Variants in CTIF observed in about 807,000 individuals in gnomAD.
CTIF encodes CBP80/20-dependent translation initiation factor.
A neutral mutation model predicts 66.0 loss-of-function variants in CTIF; 21 were observed. That is an observed-to-expected ratio of 0.32 (90% CI 0.23 to 0.46). The LOEUF is 0.46. CTIF is among the 20% of genes least tolerant of loss of function. The probability of loss-of-function intolerance (pLI) is 1.00; values close to 1 mark genes in which losing one functional copy is unlikely to be tolerated. For missense variants in CTIF, 739 were observed against 812.7 expected, an observed-to-expected ratio of 0.91 and a Z score of 1.10; for synonymous variants, 345 against 326.4, an observed-to-expected ratio of 1.06 and a Z score of -0.62.
At chr18:48,600,030 T>C (rs2090062220) in intron 1 of CTIF, among the ~76,000 whole-genome samples, 1 of 152,176 alleles carries the variant, frequency 6.6e-6, no homozygotes, top group Non-Finnish European at 1.5e-5. Flanking sequence ...TGCCAACCAA[T>C]GTGTCTAATA....
chr18:48,857,588 C>G lies in CTIF; in HGVS notation c.1528C>G (p.Leu510Val). 1 of 1,609,386 alleles carries G rather than the reference C, an allele frequency of 6.2e-7. No homozygotes were observed. Among genetic ancestry groups the G allele is most frequent in the Non-Finnish European group, 8.5e-7 (1 of 1,177,852 alleles). The change falls in exon 11 of 12, where the codon CTC becomes GTC. Residue 510 changes from leucine (L) to valine (V), a missense_variant and splice_region_variant. Leu to Val is a conservative substitution (Grantham distance 32, BLOSUM62 1). Transcript: ENST00000256413. ...VCPIYTCLRE[L>V]LQSQDVKEDA... is the part of the protein sequence containing the mutation. ...TGCTCTCTGCCCCTCTCTTCCACAG[C>G]TCTTGCAATCTCAGGATGTGAAGGA...
chr18:48,830,064 A>G (rs1403855459), intron 10 of CTIF, among the ~76,000 whole-genome samples: 1 of 152,228 alleles, frequency 6.6e-6, no homozygotes, highest in Non-Finnish European at 1.5e-5. Flanking sequence ...GTAGCCAGGA[A>G]GAGGAGGGGA....
At chr18:48,637,113 TCTG>T (rs1430963884) in intron 3 of CTIF, among the ~76,000 whole-genome samples, 2 of 152,172 alleles carry the variant, frequency 1.3e-5, no homozygotes, top group African/African-American at 2.4e-5. Context: ...GGATATCACT[TCTG>T]CTCCAGATCT....
rs1020761797 is a variant in CTIF, at chr18:48,787,328, CAGAA to C, written c.1371+25643_1371+25646del. On this transcript the variant is annotated intron_variant, in intron 9 of 11. Transcript: ENST00000256413. ...GGGAAAGGGAAGGAAGAAAGAAAGA[CAGAA>C]AGAGAGGGAGGGAAATAGGGAGAAA... 1.2e-4 allele frequency among the ~76,000 whole-genome samples: 18 copies of C among 151,470 alleles called. No individual in the cohort carries two copies. The East Asian group carries it at 1.5e-3, about 13-fold the overall frequency.
At chr18:48,686,734 C>T (rs183984220) in intron 6 of CTIF, among the ~76,000 whole-genome samples, 47 of 152,252 alleles carry the variant, frequency 3.1e-4, no homozygotes, top group Non-Finnish European at 5.7e-4. Context: ...CTGCTGTTTC[C>T]TGCCAACACC....
intron 10 of CTIF, among the ~76,000 whole-genome samples, chr18:48,823,205 G>A (rs1423120521): frequency 6.6e-6 from 1 of 151,438 alleles, no homozygotes; most frequent in African/African-American, 2.4e-5. Flanking sequence ...TGTTGCCTGT[G>A]CTTTTGGAGT....
chr18:48,805,128 G>T (rs1447525579), intron 9 of CTIF, among the ~76,000 whole-genome samples: 3 of 152,240 alleles, frequency 2.0e-5, no homozygotes, highest in Non-Finnish European at 4.4e-5. Context: ...GTAACCTGAT[G>T]TGTCACAGTG....
intron 2 of CTIF, among the ~76,000 whole-genome samples, chr18:48,620,174 G>A (rs2090468637): frequency 6.6e-6 from 1 of 152,208 alleles, no homozygotes; most frequent in South Asian, 2.1e-4. Flanking sequence ...AGTAGTTGTT[G>A]GTAGCCAAAG....
intron 2 of CTIF, chr18:48,621,623 C>G: frequency 5.9e-6 from 2 of 339,804 alleles, no homozygotes; most frequent in Non-Finnish European, 1.1e-5. Context: ...GACTGCCTTG[C>G]GGGCCACTGC....
intron 6 of CTIF, among the ~76,000 whole-genome samples, chr18:48,685,970 C>T (rs895328405): frequency 2.0e-5 from 3 of 152,196 alleles, no homozygotes; most frequent in Non-Finnish European, 4.4e-5. Flanking sequence ...AGCCACTGTG[C>T]CCCGGCCCCA....
chr18:48,692,904 T>C lies in CTIF; in HGVS notation c.508-18715T>C, dbSNP rs1397299595. Among the ~76,000 whole-genome samples, 4 of 152,216 alleles carry C rather than the reference T, an allele frequency of 2.6e-5. No homozygotes were observed. In the East Asian group the frequency reaches 5.8e-4, roughly 22 times the overall value. Reference sequence around the variant, plus strand: ...CTGTGCAGTGTGGGAACCACTGCCTTATTGCATAAAGTGAATATGGCTAAG... The same window carrying C: ...CTGTGCAGTGTGGGAACCACTGCCTCATTGCATAAAGTGAATATGGCTAAG... On this transcript the variant is annotated intron_variant, in intron 6 of 11. Transcript: ENST00000256413.
chr18:48,685,493 C>T (rs2091824959), intron 6 of CTIF, among the ~76,000 whole-genome samples: 1 of 151,650 alleles, frequency 6.6e-6, no homozygotes, highest in African/African-American at 2.4e-5. Flanking sequence ...AAAGTGCTGG[C>T]ATTACAGGCA....
At chr18:48,607,188 G>A (rs2090217792) in intron 1 of CTIF, among the ~76,000 whole-genome samples, 1 of 152,142 alleles carries the variant, frequency 6.6e-6, no homozygotes, top group Non-Finnish European at 1.5e-5. Flanking sequence ...GTTGTCTCTG[G>A]GCCTGGAGGC....
chr18:48,639,020 C>T (rs527293592), intron 3 of CTIF, among the ~76,000 whole-genome samples: 2 of 152,334 alleles, frequency 1.3e-5, no homozygotes, highest in South Asian at 4.1e-4. Flanking sequence ...GAGATGTCTA[C>T]TTCCGAGAAG....
chr18:48,761,483 G>T lies in CTIF; in HGVS notation c.1165G>T (p.Val389Leu), dbSNP rs751006365. The change falls in exon 9 of 12, where the codon GTG becomes TTG. Residue 389 changes from valine to leucine, a missense_variant. Coordinates refer to ENST00000256413, the MANE Select transcript of CTIF (RefSeq NM_014772.3). The surrounding 1 kb of genome is among the most constrained non-coding windows in gnomAD (Gnocchi z 4.2). ...LNSMRNNSSD[V>L]DTKLTTFMEE... ...CAGCATGCGGAACAACAGCAGCGACGTGGACACCAAGCTCACCACCTTCAT... is the reference window on the plus strand; with the variant it reads ...CAGCATGCGGAACAACAGCAGCGACTTGGACACCAAGCTCACCACCTTCAT... 8.1e-6 allele frequency: 13 copies of T among 1,614,180 alleles called. No homozygotes were observed. Among genetic ancestry groups the T allele is most frequent in the Non-Finnish European group, 1.0e-5 (12 of 1,180,048 alleles).
At chr18:48,632,424 C>T (rs1324214798) in intron 2 of CTIF, among the ~76,000 whole-genome samples, 1 of 152,310 alleles carries the variant, frequency 6.6e-6, no homozygotes, top group Non-Finnish European at 1.5e-5. Context: ...CACCATCTTG[C>T]TGGCTTTCTT....
chr18:48,852,504 C>T (rs1230110170), intron 10 of CTIF, among the ~76,000 whole-genome samples: 4 of 152,148 alleles, frequency 2.6e-5, no homozygotes, highest in East Asian at 1.9e-4. Context: ...ATCTTTATCC[C>T]GGCCTCTTGG....
Position 48,670,652 on chromosome 18 carries a change from T to C in CTIF, c.432-17T>C, listed in dbSNP as rs772903719. Reference sequence around the variant, plus strand: ...ATGAGCCATCTTTCCAATGCCTTTCTGTCTTTTCTGGTCCAGGTGTGGCAA... The same window carrying C: ...ATGAGCCATCTTTCCAATGCCTTTCCGTCTTTTCTGGTCCAGGTGTGGCAA... On this transcript the variant is annotated splice_polypyrimidine_tract_variant and intron_variant, in intron 5 of 11. Transcript: ENST00000256413. 6.2e-7 allele frequency: 1 copy of C among 1,612,724 alleles called. No individual in the cohort carries two copies. The highest frequency in any genetic ancestry group is 8.5e-7 in the Non-Finnish European group (1 of 1,178,744).
chr18:48,670,418 G>A (rs2091510343), intron 5 of CTIF, among the ~76,000 whole-genome samples: 1 of 152,178 alleles, frequency 6.6e-6, no homozygotes, highest in Admixed American at 6.5e-5. Flanking sequence ...TCTCTGCCTG[G>A]AAGGAGCAAG....
Sources: allele counts gnomAD v4.1 joint callset (sites outside exome capture counted in the v4.1 genomes callset), GRCh38; gene constraint gnomAD v4.1.1; non-coding constraint Gnocchi (gnomAD v3.1); transcripts MANE v1.5; gene names NCBI Gene and HGNC (gene_info 2026-07-23, HGNC 2026-07-21).